Variants in EXT2 observed in about 807,000 individuals in gnomAD.
The protein encoded by EXT2 is exostosin glycosyltransferase 2.
Under a neutral mutation model 81.6 loss-of-function variants are expected in EXT2, and 53 were observed. That is an observed-to-expected ratio of 0.65 (90% CI 0.52 to 0.82). The LOEUF is 0.82. Ranked by LOEUF, EXT2 falls within the 40% of genes least tolerant of loss-of-function variation. The pLI is 0.00. For synonymous variants in EXT2, 320 were observed against 340.0 expected (o/e 0.94, Z 0.65); for missense variants, 774 against 910.2 (o/e 0.85, Z 1.93).
intron 2 of EXT2, among the ~76,000 whole-genome samples, chr11:44,108,463 C>T (rs1295201375): frequency 1.3e-5 from 2 of 152,204 alleles, no homozygotes; most frequent in Non-Finnish European, 2.9e-5. Flanking sequence ...CTGCCATCTC[C>T]GGCACTACTG....
chr11:44,199,263 A>T (rs1955494796), intron 9 of EXT2, among the ~76,000 whole-genome samples: 1 of 152,202 alleles, frequency 6.6e-6, no homozygotes, highest in South Asian at 2.1e-4. Context: ...AGAAGGGAGG[A>T]TGAGAATACA....
chr11:44,135,019 A>G (rs757970466), intron 7 of EXT2, among the ~76,000 whole-genome samples: 1 of 152,246 alleles, frequency 6.6e-6, no homozygotes, highest in Non-Finnish European at 1.5e-5. Flanking sequence ...AGCAAACCAA[A>G]TATTGGTGCT....
intron 7 of EXT2, among the ~76,000 whole-genome samples, chr11:44,170,573 A>T (rs1955056616): frequency 1.3e-5 from 2 of 152,248 alleles, no homozygotes; most frequent in Admixed American, 1.3e-4. Context: ...ACTAAGACTG[A>T]TCAAGTACAA....
At position 44,148,372 on chromosome 11, in the gene EXT2, G is replaced by C. The variant is rs117903216; in HGVS notation, c.1173+18234G>C. 4.8e-3 allele frequency among the ~76,000 whole-genome samples: 726 copies of C among 152,288 alleles called. 5 individuals carry two copies. The highest frequency in any genetic ancestry group is 0.03 in the East Asian group (158 of 5,182). On this transcript the variant is annotated intron_variant, in intron 7 of 13. Coordinates refer to ENST00000533608, the MANE Select transcript of EXT2 (RefSeq NM_207122.2). The stretch of plus-strand genomic sequence containing the variant: ...CTCTTAAATTAGCCAAGAGCACATA[G>C]GACTGTGGCTGAGAAAGGGAGACTT...
intron 1 of EXT2, among the ~76,000 whole-genome samples, chr11:44,098,643 C>T (rs953963651): frequency 8.3e-5 from 12 of 144,730 alleles, no homozygotes; most frequent in Non-Finnish European, 1.6e-4. Flanking sequence ...TGCAGTGAGC[C>T]GAGATGACAC....
chr11:44,134,083 G>T (rs186243232), intron 7 of EXT2, among the ~76,000 whole-genome samples: 68 of 152,358 alleles, frequency 4.5e-4, no homozygotes, highest in African/African-American at 1.6e-3. Flanking sequence ...AAGGCCACCA[G>T]TGAGCAGTGC....
At chr11:44,185,953 A>G (rs961026715) in intron 8 of EXT2, among the ~76,000 whole-genome samples, 1 of 152,224 alleles carries the variant, frequency 6.6e-6, no homozygotes, top group African/African-American at 2.4e-5. Context: ...TTTACCTCTC[A>G]TAAGATGTAG....
At chr11:44,194,515 T>G (rs1483003791) in intron 8 of EXT2, among the ~76,000 whole-genome samples, 1 of 152,236 alleles carries the variant, frequency 6.6e-6, no homozygotes, top group Non-Finnish European at 1.5e-5. Flanking sequence ...GGAAGGGCTG[T>G]GAACCATTAC....
chr11:44,218,793 CTTTTTTTTTTTTTTTTT>C (rs11368525), intron 10 of EXT2, among the ~76,000 whole-genome samples: 1 of 92,300 alleles, frequency 1.1e-5, no homozygotes, highest in Admixed American at 1.6e-4. Flanking sequence ...ATCTGCAATT[CTTTTTTTTTTTTTTTTT>C]TTTTTGAGAT....
chr11:44,188,453 C>T (rs1029383044), intron 8 of EXT2, among the ~76,000 whole-genome samples: 2 of 152,182 alleles, frequency 1.3e-5, no homozygotes, highest in Admixed American at 1.3e-4. Context: ...CAAGCCACCC[C>T]CACATGGATT....
At chr11:44,218,793 CTTTT>C (rs11368525) in intron 10 of EXT2, among the ~76,000 whole-genome samples, 1 of 92,296 alleles carries the variant, frequency 1.1e-5, no homozygotes, top group South Asian at 4.4e-4. Context: ...ATCTGCAATT[CTTTT>C]TTTTTTTTTT....
At chr11:44,119,169 T>TATATATATATATATATATATATACACAC (rs1192115471) in intron 4 of EXT2, among the ~76,000 whole-genome samples, 1 of 63,130 alleles carries the variant, frequency 1.6e-5, no homozygotes, top group Non-Finnish European at 3.1e-5. Context: ...TATATATATA[T>TATATATATATATATATATATATACACAC]ACACATACAC....
intron 3 of EXT2, among the ~76,000 whole-genome samples, chr11:44,110,390 G>A (rs1459654085): frequency 6.6e-6 from 1 of 152,158 alleles, no homozygotes; most frequent in East Asian, 1.9e-4. Context: ...CGTTTTGGAC[G>A]ATAGAGGGCA....
chr11:44,234,729 A>G (rs1196316566), intron 12 of EXT2, among the ~76,000 whole-genome samples: 1 of 152,216 alleles, frequency 6.6e-6, no homozygotes, highest in East Asian at 1.9e-4. Flanking sequence ...CTTTCCCATA[A>G]CATATTAAAA....
intron 10 of EXT2, among the ~76,000 whole-genome samples, chr11:44,213,758 T>C (rs1299710024): frequency 1.3e-5 from 2 of 152,128 alleles, no homozygotes; most frequent in South Asian, 4.1e-4. Flanking sequence ...GATATAATAT[T>C]TGTGTCATTA....
chr11:44,200,434 T>C (rs1425536104), intron 9 of EXT2, among the ~76,000 whole-genome samples: 3 of 152,190 alleles, frequency 2.0e-5, no homozygotes, highest in African/African-American at 7.2e-5. Flanking sequence ...TGAGCTTTCA[T>C]CACATTGATT....
chr11:44,191,978 G>T (rs890627229), intron 8 of EXT2, among the ~76,000 whole-genome samples: 1 of 152,178 alleles, frequency 6.6e-6, no homozygotes, highest in African/African-American at 2.4e-5. Flanking sequence ...CTAAAACAAT[G>T]ACCAGGAAAA....
intron 3 of EXT2, among the ~76,000 whole-genome samples, chr11:44,111,277 C>G (rs1379954179): frequency 2.0e-5 from 3 of 151,984 alleles, no homozygotes; most frequent in African/African-American, 4.8e-5. Context: ...ACACATGATA[C>G]ATATATACTT....
At chr11:44,167,338 T>G (rs901100973) in intron 7 of EXT2, among the ~76,000 whole-genome samples, 1 of 152,194 alleles carries the variant, frequency 6.6e-6, no homozygotes, top group African/African-American at 2.4e-5. Context: ...GGGAATGTAG[T>G]GAGCAATGCA....
Sources: gnomAD v4.1 joint callset for allele counts (sites outside exome capture counted in the v4.1 genomes callset) on GRCh38, gnomAD v4.1.1 for gene constraint, MANE v1.5 for transcripts, NCBI Gene and HGNC (gene_info 2026-07-23, HGNC 2026-07-21) for gene names.